ARL15: variants seen among roughly 807,000 people sequenced by gnomAD.
ARL15 encodes the protein ADP-ribosylation factor-like protein 15.
ARL15 carries 19 observed loss-of-function variants against 25.2 expected under a neutral mutation model. The ratio of observed to expected loss-of-function variants is 0.75; its 90% CI spans 0.53 to 1.10. ARL15 has a LOEUF of 1.10. Ranked by LOEUF, ARL15 falls within the 50% of genes least tolerant of loss-of-function variation. ARL15 has a pLI of 0.00. For missense variants in ARL15, 220 were observed against 246.0 expected, an observed-to-expected ratio of 0.89 and a Z score of 0.71; for synonymous variants, 94 against 86.8, an observed-to-expected ratio of 1.08 and a Z score of -0.46.
intron 4 of ARL15, among the ~76,000 whole-genome samples, chr5:54,061,092 T>A (rs2112030004): frequency 1.3e-5 from 2 of 152,276 alleles, no homozygotes; most frequent in African/African-American, 4.8e-5. Context: ...TAGCCCCTCT[T>A]ATCACAGGCC....
intron 4 of ARL15, among the ~76,000 whole-genome samples, chr5:53,934,148 T>C (rs1172810616): frequency 3.3e-5 from 5 of 152,336 alleles, no homozygotes; most frequent in South Asian, 4.1e-4. Context: ...CTATAAAATA[T>C]TTCCTCTGGA....
At chr5:54,206,028 AATCTAGATTAATG>A (rs1312907794) in intron 1 of ARL15, among the ~76,000 whole-genome samples, 3 of 152,090 alleles carry the variant, frequency 2.0e-5, no homozygotes, top group African/African-American at 7.2e-5. Flanking sequence ...TTCTTTGGCT[AATCTAGATTAATG>A]ATACCAGATT....
intron 1 of ARL15, among the ~76,000 whole-genome samples, chr5:54,273,295 A>T (rs983667843): frequency 2.0e-5 from 3 of 152,226 alleles, no homozygotes; most frequent in African/African-American, 7.2e-5. Context: ...TAAAAAAGCA[A>T]CACCAATGAT....
intron 3 of ARL15, among the ~76,000 whole-genome samples, chr5:54,153,110 C>G (rs1489892656): frequency 6.6e-6 from 1 of 152,136 alleles, no homozygotes; most frequent in Admixed American, 6.5e-5. Flanking sequence ...TATTTAAAAC[C>G]CATATAACTC....
intron 4 of ARL15, among the ~76,000 whole-genome samples, chr5:54,008,694 A>C (rs796526039): frequency 1.2e-3 from 184 of 152,342 alleles, no homozygotes; most frequent in African/African-American, 4.4e-3. Flanking sequence ...CATGTGAACA[A>C]GAGAAACACT....
At chr5:53,908,354 G>C (rs1371474255) in intron 4 of ARL15, among the ~76,000 whole-genome samples, 1 of 152,138 alleles carries the variant, frequency 6.6e-6, no homozygotes, top group Non-Finnish European at 1.5e-5. Flanking sequence ...CACACGTACT[G>C]AACATGTAAT....
At chr5:54,230,796 C>A (rs1280243893) in intron 1 of ARL15, among the ~76,000 whole-genome samples, 1 of 152,166 alleles carries the variant, frequency 6.6e-6, no homozygotes, top group African/African-American at 2.4e-5. Flanking sequence ...ATAAATTACT[C>A]AAATATGTGC....
chr5:54,258,338 C>T (rs557488027), intron 1 of ARL15, among the ~76,000 whole-genome samples: 45 of 152,160 alleles, frequency 3.0e-4, no homozygotes, highest in Admixed American at 7.9e-4. Context: ...AAAAAGAAAT[C>T]AACCCATCCT....
chr5:54,218,714 C>G (rs1756288078), intron 1 of ARL15, among the ~76,000 whole-genome samples: 1 of 152,056 alleles, frequency 6.6e-6, no homozygotes, highest in African/African-American at 2.4e-5. Flanking sequence ...AATGGCATCA[C>G]CAGCAGGAAG....
At chr5:54,291,095 A>G (rs1010836863) in intron 1 of ARL15, among the ~76,000 whole-genome samples, 1 of 152,234 alleles carries the variant, frequency 6.6e-6, no homozygotes, top group Non-Finnish European at 1.5e-5. Flanking sequence ...TTTGCCTATT[A>G]ATTAGACAAT....
intron 1 of ARL15, among the ~76,000 whole-genome samples, chr5:54,281,198 G>C (rs1758056028): frequency 6.6e-6 from 1 of 152,102 alleles, no homozygotes; most frequent in Non-Finnish European, 1.5e-5. Context: ...GGAGTGCAGT[G>C]GTACGATCTC....
chr5:54,123,407 C>T (rs1392227590), intron 3 of ARL15, among the ~76,000 whole-genome samples: 1 of 152,204 alleles, frequency 6.6e-6, no homozygotes, highest in Admixed American at 6.5e-5. Context: ...ACGCACCCGG[C>T]TCCTTTTATA....
chr5:54,003,422 G>A (rs1242405380), intron 4 of ARL15, among the ~76,000 whole-genome samples: 3 of 152,198 alleles, frequency 2.0e-5, no homozygotes, highest in East Asian at 3.9e-4. Flanking sequence ...TCTCACAAAT[G>A]TGGATTTTTA....
At chr5:54,103,570 A>C (rs1752504977) in intron 4 of ARL15, among the ~76,000 whole-genome samples, 1 of 152,160 alleles carries the variant, frequency 6.6e-6, no homozygotes, top group African/African-American at 2.4e-5. Flanking sequence ...GGTACTATAA[A>C]CAAATTACTC....
intron 2 of ARL15, among the ~76,000 whole-genome samples, chr5:54,166,223 C>T: frequency 6.6e-6 from 1 of 151,998 alleles, no homozygotes. Context: ...GATGGGGTCT[C>T]TCTCTCTGTC....
intron 1 of ARL15, among the ~76,000 whole-genome samples, chr5:54,280,362 C>T (rs1292167336): frequency 2.0e-5 from 3 of 152,282 alleles, no homozygotes; most frequent in Non-Finnish European, 2.9e-5. Context: ...TTTCAAGTAA[C>T]CTGTTCATCT....
chr5:54,105,670 C>A (rs1359945391), intron 4 of ARL15, among the ~76,000 whole-genome samples: 2 of 152,092 alleles, frequency 1.3e-5, no homozygotes, highest in Non-Finnish European at 2.9e-5. Flanking sequence ...GCAGTCTCCA[C>A]CTCCCGAGTT....
chr5:54,075,073 G>GGAAAAAA (rs746907299), intron 4 of ARL15, among the ~76,000 whole-genome samples: 3 of 63,924 alleles, frequency 4.7e-5, no homozygotes, highest in Admixed American at 4.3e-4. Context: ...CAGAATACAG[G>GGAAAAAA]AAAAAAAAAA....
chr5:54,184,264 A>AC (rs1561257325), intron 1 of ARL15, among the ~76,000 whole-genome samples: 7 of 42,024 alleles, frequency 1.7e-4, no homozygotes, highest in Non-Finnish European at 3.1e-4. Context: ...AAAAAATCAA[A>AC]AAAAAAAAAA....
Sources: gnomAD v4.1 joint callset for allele counts (sites outside exome capture counted in the v4.1 genomes callset) on GRCh38, gnomAD v4.1.1 for gene constraint, MANE v1.5 for transcripts, NCBI Gene and HGNC (gene_info 2026-07-23, HGNC 2026-07-21) for gene names.